Variants in INPP5A observed in about 807,000 individuals in gnomAD.
INPP5A encodes inositol polyphosphate-5-phosphatase A, also known as 43 kDa inositol polyphosphate 5-phophatase.
INPP5A carries 14 observed loss-of-function variants against 65.2 expected under a neutral mutation model. The ratio of observed to expected loss-of-function variants is 0.21; its 90% CI spans 0.14 to 0.34. INPP5A has a LOEUF of 0.34. Among genes scored for constraint, INPP5A ranks in the 10% least tolerant of loss-of-function variants. INPP5A has a pLI of 1.00. For synonymous variants in INPP5A, 207 were observed against 208.3 expected (o/e 0.99, Z 0.05); for missense variants, 431 against 545.6 (o/e 0.79, Z 2.09).
Position 132,647,975 on chromosome 10 carries a change from C to T in INPP5A, c.218+2007C>T, listed in dbSNP as rs73383163. The stretch of plus-strand genomic sequence containing the variant: ...AGAATGGAAGGCTGAAAAATGTGGC[C>T]ATGTTTGAACTAAGCATTTGCTTAT... On this transcript the variant is annotated intron_variant, in intron 3 of 15. Transcript: ENST00000368594. Among the ~76,000 whole-genome samples the T allele has an allele frequency of 2.9e-3, 448 of 152,238 alleles. 2 individuals are homozygous for T. The highest frequency in any genetic ancestry group is 0.01 in the African/African-American group (428 of 41,536).
At chr10:132,736,847 G>A (rs1590970085) in intron 9 of INPP5A, among the ~76,000 whole-genome samples, 2 of 152,344 alleles carry the variant, frequency 1.3e-5, no homozygotes, top group Admixed American at 6.5e-5. Context: ...AGACCCGCTG[G>A]CTGCTCCGGC....
Position 132,611,345 on chromosome 10 carries a change from G to T in INPP5A, c.117+3389G>T, listed in dbSNP as rs191915255. Among the ~76,000 whole-genome samples, 92 of 145,844 alleles carry T rather than the reference G, an allele frequency of 6.3e-4. No individual in the cohort carries two copies. In the South Asian group the frequency reaches 8.1e-3, roughly 13 times the overall value. On this transcript the variant is annotated intron_variant, in intron 2 of 15. Coordinates refer to ENST00000368594, the MANE Select transcript of INPP5A (RefSeq NM_005539.5). ...GAATGAGGGAGGTGAGGTGGGCAGG[G>T]CAGAGGCCCTATCAGAGGAGGGTGA...
rs530620255 is a variant in INPP5A, at chr10:132,584,155, GT to G, written c.76-23759del. Among the ~76,000 whole-genome samples the G allele has an allele frequency of 1.4e-4, 22 of 152,368 alleles. No homozygotes were observed. The East Asian group carries it at 4.0e-3, about 28-fold the overall frequency. ...ACACATCAGTGAGAGCTGTTGACCT[GT>G]AATGTTGTTTCTTTGCCTTGCCTCT... On this transcript the variant is annotated intron_variant, in intron 1 of 15. Coordinates refer to ENST00000368594, the MANE Select transcript of INPP5A (RefSeq NM_005539.5).
At chr10:132,699,692 G>C (rs1348743991) in intron 6 of INPP5A, among the ~76,000 whole-genome samples, 1 of 152,140 alleles carries the variant, frequency 6.6e-6, no homozygotes, top group Non-Finnish European at 1.5e-5. Flanking sequence ...GGAAGCTCGG[G>C]GGCAGCGGGC....
intron 11 of INPP5A, among the ~76,000 whole-genome samples, chr10:132,764,538 C>T (rs1430627643): frequency 1.5e-5 from 2 of 136,188 alleles, no homozygotes; most frequent in Non-Finnish European, 3.1e-5. Context: ...TCGGGCCAGT[C>T]CTGCAGGGGT....
At chr10:132,750,697 G>A (rs1341760718) in intron 11 of INPP5A, among the ~76,000 whole-genome samples, 4 of 152,230 alleles carry the variant, frequency 2.6e-5, no homozygotes, top group South Asian at 2.1e-4. Flanking sequence ...CCACTGTGGC[G>A]ATTCCAAGCC....
At chr10:132,606,463 C>G (rs1053374348) in intron 1 of INPP5A, among the ~76,000 whole-genome samples, 1 of 152,230 alleles carries the variant, frequency 6.6e-6, no homozygotes, top group Admixed American at 6.5e-5. Flanking sequence ...GTGGGCGATT[C>G]TCTCCCTTCG....
intron 1 of INPP5A, among the ~76,000 whole-genome samples, chr10:132,552,263 C>A (rs1590823074): frequency 7.4e-6 from 1 of 134,824 alleles, no homozygotes; most frequent in Non-Finnish European, 1.6e-5. Context: ...GCCTTGGTGG[C>A]ATATTGAGTG....
chr10:132,600,746 G>A (rs2071765316), intron 1 of INPP5A, among the ~76,000 whole-genome samples: 1 of 152,224 alleles, frequency 6.6e-6, no homozygotes, highest in Non-Finnish European at 1.5e-5. Flanking sequence ...CCAGAATCAT[G>A]ACAGGAGACA....
intron 8 of INPP5A, among the ~76,000 whole-genome samples, chr10:132,718,840 C>T (rs939782944): frequency 6.7e-6 from 1 of 149,012 alleles, no homozygotes; most frequent in African/African-American, 2.5e-5. Flanking sequence ...TACCTGGGTT[C>T]TGTCTGGGCA....
intron 10 of INPP5A, 77 bp from the exon 11 acceptor site, chr10:132,749,694 C>T: frequency 1.3e-6 from 2 of 1,597,438 alleles, no homozygotes; most frequent in Non-Finnish European, 1.7e-6. Context: ...GCCCTGCCTG[C>T]CCGGTTCGGT....
intron 9 of INPP5A, among the ~76,000 whole-genome samples, chr10:132,740,320 T>A (rs1255810973): frequency 2.0e-5 from 3 of 152,188 alleles, no homozygotes; most frequent in Non-Finnish European, 4.4e-5. Flanking sequence ...CCCCCTCGAT[T>A]CTGAGCAGTG....
chr10:132,684,756 T>C (rs1242879709), intron 4 of INPP5A, among the ~76,000 whole-genome samples: 1 of 152,210 alleles, frequency 6.6e-6, no homozygotes, highest in African/African-American at 2.4e-5. Flanking sequence ...GTGATGTCCT[T>C]AGCTTTGTTC....
rs890457343 is a variant in INPP5A at position 132,761,672 on chromosome 10, C to T, written c.904-4101C>T. Among the ~76,000 whole-genome samples the T allele has an allele frequency of 1.1e-4, 17 of 152,220 alleles. No individual in the cohort carries two copies. In the East Asian group the frequency reaches 1.7e-3, roughly 16 times the overall value. On this transcript the variant is annotated intron_variant, in intron 11 of 15. Transcript: ENST00000368594. ...GACTCCAAGCTGTGGGAGGCCAGTG[C>T]GGTGCAGGGACCCAGTCGGTCACTT...
chr10:132,761,748 C>G lies in INPP5A; in HGVS notation c.904-4025C>G, dbSNP rs544729171. Among the ~76,000 whole-genome samples, 271 of 152,288 alleles carry G rather than the reference C, an allele frequency of 1.8e-3. 1 individual carries two copies. The highest frequency in any genetic ancestry group is 6.4e-3 in the African/African-American group (266 of 41,558). ...CACAACTAAAAAAATTCCCAAAAAT[C>G]AAGACCCACCAAAGACGATCTTACA... On this transcript the variant is annotated intron_variant, in intron 11 of 15. Coordinates refer to ENST00000368594, the MANE Select transcript of INPP5A (RefSeq NM_005539.5).
chr10:132,634,956 T>G (rs2072324436), intron 2 of INPP5A, among the ~76,000 whole-genome samples: 1 of 152,222 alleles, frequency 6.6e-6, no homozygotes, highest in Admixed American at 6.5e-5. Context: ...TCAGTCTTGT[T>G]TTTTATCCAC....
intron 1 of INPP5A, among the ~76,000 whole-genome samples, chr10:132,598,408 C>T (rs1362882486): frequency 6.6e-6 from 1 of 152,230 alleles, no homozygotes; most frequent in African/African-American, 2.4e-5. Context: ...TCCCTGTCTG[C>T]CCCCAGTTCC....
intron 1 of INPP5A, among the ~76,000 whole-genome samples, chr10:132,564,112 C>T (rs551841058): frequency 3.9e-5 from 6 of 152,286 alleles, no homozygotes; most frequent in African/African-American, 1.4e-4. Flanking sequence ...TGCTGCTGCT[C>T]CCCTGGGCTT....
intron 4 of INPP5A, among the ~76,000 whole-genome samples, chr10:132,665,180 T>C (rs2072786171): frequency 6.6e-6 from 1 of 152,146 alleles, no homozygotes; most frequent in African/African-American, 2.4e-5. Flanking sequence ...ACACCTGTGT[T>C]TCCAAAGAAG....
Sources: gnomAD v4.1 joint callset for allele counts (sites outside exome capture counted in the v4.1 genomes callset) on GRCh38, gnomAD v4.1.1 for gene constraint, MANE v1.5 for transcripts, NCBI Gene and HGNC (gene_info 2026-07-23, HGNC 2026-07-21) for gene names.